The following INSYN2B variants were observed in gnomAD, a reference collection of about 807,000 sequenced individuals.
INSYN2B encodes the protein inhibitory synaptic factor family member 2B, also known as protein INSYN2B.
INSYN2B carries 16 observed loss-of-function variants against 41.2 expected under a neutral mutation model. The observed-to-expected ratio is 0.39, with a 90% CI of 0.26 to 0.59. The LOEUF (loss-of-function observed/expected upper bound fraction) is 0.59, where lower values mean the gene tolerates loss of function less well. Among genes scored for constraint, INSYN2B ranks in the 20% least tolerant of loss-of-function variants. The probability of loss-of-function intolerance (pLI) is 0.57; values close to 1 mark genes in which losing one functional copy is unlikely to be tolerated. For missense variants in INSYN2B, 608 were observed against 646.4 expected (o/e 0.94, Z 0.64); for synonymous variants, 245 against 244.4 (o/e 1.00, Z -0.02).
Position 169,882,804 on chromosome 5 carries a change from T to C in INSYN2B, c.1095A>G (p.Ser365=). ...GACAATTTGGAAACTCCAGTGTGTC[T>C]GACTCGGTGGGGTTGTTTGCCGTCT... The part of the protein sequence containing the change: ...QEQTANNPTE[S]DTLEFPNCPG... Residue 365 remains serine (S), a synonymous_variant, in exon 2 of 4, where the codon TCA becomes TCG. Coordinates refer to ENST00000377365, the MANE Select transcript of INSYN2B (RefSeq NM_001129891.3). The C allele has an allele frequency of 6.4e-7, 1 of 1,551,264 alleles. No individual in the cohort carries two copies. The highest frequency in any genetic ancestry group is 8.7e-7 in the Non-Finnish European group (1 of 1,146,764).
chr5:169,943,138 G>C (rs1473298961), intron 1 of INSYN2B, among the ~76,000 whole-genome samples: 1 of 152,176 alleles, frequency 6.6e-6, no homozygotes, highest in Non-Finnish European at 1.5e-5. Flanking sequence ...CCCACACCCA[G>C]GCCATCAATG....
intron 1 of INSYN2B, among the ~76,000 whole-genome samples, chr5:169,932,352 G>T (rs1581436858): frequency 6.6e-6 from 1 of 152,168 alleles, no homozygotes; most frequent in South Asian, 2.1e-4. Flanking sequence ...AACTATACCC[G>T]CTGCAGAGTA....
At chr5:169,924,814 G>A (rs1483730240) in intron 1 of INSYN2B, among the ~76,000 whole-genome samples, 15 of 152,032 alleles carry the variant, frequency 9.9e-5, no homozygotes. Flanking sequence ...TCTTTGGCCT[G>A]GCACATGGGT....
At chr5:169,874,391 C>T (rs924191248) in intron 3 of INSYN2B, among the ~76,000 whole-genome samples, 4 of 122,310 alleles carry the variant, frequency 3.3e-5, no homozygotes, top group African/African-American at 6.4e-5. Flanking sequence ...CCAGCCTAGG[C>T]GACAGTGAGA....
Position 169,972,570 on chromosome 5 carries a change from TAGATAGATAGATAGATGATAGATA to T in INSYN2B, c.-919+7683_-919+7706del, listed in dbSNP as rs1467736464. 3.4e-4 allele frequency among the ~76,000 whole-genome samples: 22 copies of T among 64,682 alleles called. No homozygotes were observed. In the Admixed American group the frequency reaches 4.0e-3, roughly 12 times the overall value. 42.4% of individuals were successfully genotyped at this position (64,682 alleles called of 152,430 possible). On this transcript the variant is annotated intron_variant, in intron 1 of 3. Coordinates refer to ENST00000377365, the MANE Select transcript of INSYN2B (RefSeq NM_001129891.3). ...ATAGATAGATAGATAGATAGATAGA[TAGATAGATAGATAGATGATAGATA>T]GATAGATAGATAGATAGATAGATAG...
chr5:169,922,913 G>A (rs777702036), intron 1 of INSYN2B, among the ~76,000 whole-genome samples: 12 of 152,300 alleles, frequency 7.9e-5, no homozygotes, highest in African/African-American at 2.2e-4. Flanking sequence ...ACAAACACCT[G>A]TACAGTACAG....
chr5:169,865,022 A>G (rs1487167507), intron 3 of INSYN2B, among the ~76,000 whole-genome samples: 1 of 152,254 alleles, frequency 6.6e-6, no homozygotes, highest in African/African-American at 2.4e-5. Flanking sequence ...CATCATTAAC[A>G]TAATTTCTAC....
intron 1 of INSYN2B, among the ~76,000 whole-genome samples, chr5:169,899,542 A>G (rs1007258525): frequency 2.6e-5 from 4 of 152,230 alleles, no homozygotes; most frequent in Non-Finnish European, 4.4e-5. Flanking sequence ...CAAAAGATCA[A>G]TAATGGAGAA....
intron 1 of INSYN2B, among the ~76,000 whole-genome samples, chr5:169,900,240 C>T (rs1267621070): frequency 6.6e-6 from 1 of 152,172 alleles, no homozygotes; most frequent in Non-Finnish European, 1.5e-5. Flanking sequence ...CATCCCAGGC[C>T]CTAACCTGTT....
chr5:169,901,854 A>G (rs1773944196), intron 1 of INSYN2B, among the ~76,000 whole-genome samples: 1 of 152,192 alleles, frequency 6.6e-6, no homozygotes, highest in Non-Finnish European at 1.5e-5. Flanking sequence ...GTTTGCTTGC[A>G]TCTGTTGGAG....
intron 3 of INSYN2B, among the ~76,000 whole-genome samples, chr5:169,872,341 A>G (rs1772032447): frequency 6.6e-6 from 1 of 152,208 alleles, no homozygotes; most frequent in Non-Finnish European, 1.5e-5. Context: ...GAAGAATTAC[A>G]GTCTCGGATC....
intron 1 of INSYN2B, among the ~76,000 whole-genome samples, chr5:169,930,952 C>A (rs1775721920): frequency 1.3e-5 from 2 of 152,178 alleles, no homozygotes; most frequent in Non-Finnish European, 2.9e-5. Context: ...ATGGGCCAGT[C>A]CCTTTTACAA....
Position 169,862,410 on chromosome 5 carries a change from A to C in INSYN2B, c.*1863T>G, listed in dbSNP as rs1187483645. Among the ~76,000 whole-genome samples the C allele has an allele frequency of 6.6e-6, 1 of 152,250 alleles. No individual in the cohort carries two copies. Among genetic ancestry groups the C allele is most frequent in the Non-Finnish European group, 1.5e-5 (1 of 68,048 alleles). ...AAGCTCTACTACAAGATAAAATTAC[A>C]TAAGAGGTCCCAAATGATTTCACTT... On this transcript the variant is annotated 3_prime_UTR_variant, in exon 4 of 4. Transcript: ENST00000377365.
At chr5:169,908,086 C>A (rs1774394781) in intron 1 of INSYN2B, among the ~76,000 whole-genome samples, 1 of 152,182 alleles carries the variant, frequency 6.6e-6, no homozygotes, top group South Asian at 2.1e-4. Flanking sequence ...TTTCATTGAA[C>A]AACAGAGCAA....
intron 1 of INSYN2B, among the ~76,000 whole-genome samples, chr5:169,915,167 A>G (rs1016390913): frequency 1.3e-5 from 2 of 152,240 alleles, no homozygotes; most frequent in Non-Finnish European, 2.9e-5. Context: ...CTAGAAAATC[A>G]GAAGTTGTCT....
chr5:169,903,226 A>G (rs1369399694), intron 1 of INSYN2B, among the ~76,000 whole-genome samples: 12 of 150,852 alleles, frequency 8.0e-5, no homozygotes. Flanking sequence ...ACAGTGAGCT[A>G]TGATCGCACC....
intron 1 of INSYN2B, among the ~76,000 whole-genome samples, chr5:169,974,599 C>A (rs1777647097): frequency 6.6e-6 from 1 of 152,094 alleles, no homozygotes; most frequent in Non-Finnish European, 1.5e-5. Flanking sequence ...CACATGTTTG[C>A]AGGAAAGAGT....
intron 1 of INSYN2B, among the ~76,000 whole-genome samples, chr5:169,886,198 C>G (rs941357462): frequency 2.0e-5 from 3 of 152,138 alleles, no homozygotes; most frequent in East Asian, 1.9e-4. Flanking sequence ...AATGAGCCAT[C>G]CTGGGACAGA....
rs1561828965 is a variant in INSYN2B, at chr5:169,925,578, T to TAAAAA, written c.-918-40763_-918-40762insTTTTT. On this transcript the variant is annotated intron_variant, in intron 1 of 3. Coordinates refer to ENST00000377365, the MANE Select transcript of INSYN2B (RefSeq NM_001129891.3). ...CTGGGCGACAGAGCAAGACTCTGTC[T>TAAAAA]TAAAAAAAAAAAAAAAAAAAAAAAA... Among the ~76,000 whole-genome samples the TAAAAA allele has an allele frequency of 5.9e-4, 19 of 32,318 alleles. 8 individuals carry two copies. Among genetic ancestry groups the TAAAAA allele is most frequent in the African/African-American group, 1.9e-3 (15 of 7,834 alleles). 21.2% of individuals were successfully genotyped at this position (32,318 alleles called of 152,430 possible).
Sources: gnomAD v4.1 joint callset for allele counts (sites outside exome capture counted in the v4.1 genomes callset) on GRCh38, gnomAD v4.1.1 for gene constraint, MANE v1.5 for transcripts, NCBI Gene and HGNC (gene_info 2026-07-23, HGNC 2026-07-21) for gene names.